The following RBFOX1 variants were observed in gnomAD, a reference collection of about 807,000 sequenced individuals.
RBFOX1 encodes the protein RNA binding fox-1 homolog 1.
In RBFOX1, 8 loss-of-function variants were observed where a neutral mutation model predicts 57.7. That is an observed-to-expected ratio of 0.14 (90% CI 0.08 to 0.25). RBFOX1 has a LOEUF of 0.25. RBFOX1 is among the 10% of genes least tolerant of loss of function. The pLI is 1.00. For missense variants in RBFOX1, 611 were observed against 548.5 expected, an observed-to-expected ratio of 1.11 and a Z score of -1.14; for synonymous variants, 326 against 222.4, an observed-to-expected ratio of 1.47 and a Z score of -4.15.
chr16:5,364,816 T>C (rs909692319), intron 1 of RBFOX1, among the ~76,000 whole-genome samples: 3 of 152,092 alleles, frequency 2.0e-5, no homozygotes, highest in Non-Finnish European at 4.4e-5. Flanking sequence ...GGACCAGCTA[T>C]GGGGCTTGGC....
At chr16:6,779,147 C>G (rs1403517505) in intron 3 of RBFOX1, among the ~76,000 whole-genome samples, 1 of 151,864 alleles carries the variant, frequency 6.6e-6, no homozygotes, top group South Asian at 2.1e-4. Flanking sequence ...ATGAATTTAC[C>G]TACTTCTAAC....
intron 1 of RBFOX1, among the ~76,000 whole-genome samples, chr16:5,457,747 C>G (rs1367196721): frequency 2.0e-5 from 3 of 152,232 alleles, no homozygotes; most frequent in Non-Finnish European, 4.4e-5. Context: ...CCCAGTGTGA[C>G]TATCTGTGTG....
intron 2 of RBFOX1, among the ~76,000 whole-genome samples, chr16:5,491,330 A>C (rs556994388): frequency 6.6e-6 from 1 of 151,966 alleles, no homozygotes; most frequent in African/African-American, 2.4e-5. Flanking sequence ...GCGCCACCTG[A>C]CTATTATCGC....
chr16:6,360,084 T>A (rs1317384354), intron 2 of RBFOX1, among the ~76,000 whole-genome samples: 2 of 152,214 alleles, frequency 1.3e-5, no homozygotes, highest in Non-Finnish European at 2.9e-5. Flanking sequence ...CAGCATTCAA[T>A]TTCGTTCATT....
intron 2 of RBFOX1, among the ~76,000 whole-genome samples, chr16:6,352,988 G>T (rs752368807): frequency 2.0e-4 from 31 of 152,132 alleles, no homozygotes; most frequent in Non-Finnish European, 4.0e-4. Context: ...AGAGGCCAGG[G>T]TTTCTGTGGG....
intron 1 of RBFOX1, among the ~76,000 whole-genome samples, chr16:6,078,091 A>T (rs1000807614): frequency 7.2e-5 from 11 of 152,114 alleles, no homozygotes; most frequent in Admixed American, 7.2e-4. Flanking sequence ...TAATCTTTAG[A>T]TTTCTCATCT....
At chr16:5,974,697 A>C (rs2060028003) in intron 4 of RBFOX1, among the ~76,000 whole-genome samples, 1 of 152,062 alleles carries the variant, frequency 6.6e-6, no homozygotes, top group African/African-American at 2.4e-5. Context: ...ATTTGTATAG[A>C]GGAACTTTAC....
chr16:6,114,089 TA>T, intron 1 of RBFOX1, among the ~76,000 whole-genome samples: 1 of 152,338 alleles, frequency 6.6e-6, no homozygotes, highest in East Asian at 1.9e-4. Context: ...ATGTTCTCAT[TA>T]TTTTTTTTCT....
chr16:7,417,341 C>G (rs2098488631), intron 4 of RBFOX1, among the ~76,000 whole-genome samples: 1 of 145,818 alleles, frequency 6.9e-6, no homozygotes, highest in African/African-American at 2.6e-5. Context: ...CCACTGCATT[C>G]CAGCCTGGGC....
intron 2 of RBFOX1, among the ~76,000 whole-genome samples, chr16:6,398,880 G>C (rs570235215): frequency 6.6e-6 from 1 of 152,338 alleles, no homozygotes; most frequent in African/African-American, 2.4e-5. Flanking sequence ...GCTCCAGTGG[G>C]ACTCTGTCTG....
At chr16:6,013,982 G>T (rs2094977861) in intron 4 of RBFOX1, among the ~76,000 whole-genome samples, 1 of 140,182 alleles carries the variant, frequency 7.1e-6, no homozygotes, top group African/African-American at 2.6e-5. Context: ...GGAGGGGGGA[G>T]GGTTAGCATT....
chr16:6,710,168 C>A (rs1009730308), intron 3 of RBFOX1, among the ~76,000 whole-genome samples: 1 of 152,126 alleles, frequency 6.6e-6, no homozygotes, highest in African/African-American at 2.4e-5. Flanking sequence ...GTCTCTAGAA[C>A]TGTAGTTTCT....
At chr16:6,788,294 C>G (rs1361658332) in intron 3 of RBFOX1, among the ~76,000 whole-genome samples, 2 of 151,928 alleles carry the variant, frequency 1.3e-5, no homozygotes, top group African/African-American at 4.8e-5. Context: ...TAGGATGTCC[C>G]TTTTCCAAAA....
chr16:6,727,464 C>T (rs4559910), intron 3 of RBFOX1, among the ~76,000 whole-genome samples: 138,667 of 151,922 alleles, frequency 0.91, 64,649 homozygotes, highest in East Asian at 1. Flanking sequence ...TCCACCTACA[C>T]CAGATGAAGC....
At position 7,068,178 on chromosome 16, in the gene RBFOX1, G is replaced by A. The variant is rs189398951; in HGVS notation, c.27+16080G>A. 1.7e-3 allele frequency among the ~76,000 whole-genome samples: 256 copies of A among 151,976 alleles called. 2 individuals are homozygous for A. In the Middle Eastern group the frequency reaches 0.024, roughly 14 times the overall value. On this transcript the variant is annotated intron_variant, in intron 4 of 15. Transcript: ENST00000550418. ...AAGATCCGTAATTATAATTCCATTG[G>A]CAAAATCCTGTTTGCCATGTACCAT... is the stretch of plus-strand genomic sequence containing the variant.
intron 4 of RBFOX1, among the ~76,000 whole-genome samples, chr16:7,337,215 G>C (rs1237219912): frequency 6.6e-6 from 1 of 152,074 alleles, no homozygotes; most frequent in Non-Finnish European, 1.5e-5. Flanking sequence ...TGTTGAACCA[G>C]GGTCTTTTAT....
intron 2 of RBFOX1, among the ~76,000 whole-genome samples, chr16:6,330,242 C>A (rs973093210): frequency 6.6e-6 from 1 of 152,154 alleles, no homozygotes; most frequent in African/African-American, 2.4e-5. Flanking sequence ...ATTCAAAGCA[C>A]ATGGTCTTAC....
chr16:5,285,445 C>A (rs140648698), intron 1 of RBFOX1, among the ~76,000 whole-genome samples: 1 of 152,084 alleles, frequency 6.6e-6, no homozygotes, highest in Non-Finnish European at 1.5e-5. Context: ...TTTTTTCAGG[C>A]ATTTCATAGA....
intron 1 of RBFOX1, among the ~76,000 whole-genome samples, chr16:6,221,810 T>C (rs2097375157): frequency 1.3e-5 from 2 of 152,166 alleles, no homozygotes; most frequent in African/African-American, 4.8e-5. Context: ...ACTTAGTAAC[T>C]ACCACAAGAA....
Sources: gnomAD v4.1 joint callset for allele counts (sites outside exome capture counted in the v4.1 genomes callset) on GRCh38, gnomAD v4.1.1 for gene constraint, MANE v1.5 for transcripts, NCBI Gene and HGNC (gene_info 2026-07-23, HGNC 2026-07-21) for gene names.